The following GLYR1 variants were observed in gnomAD, a reference collection of about 807,000 sequenced individuals.
GLYR1 encodes cytokine-like nuclear factor N-PAC.
A neutral mutation model predicts 72.7 loss-of-function variants in GLYR1; 21 were observed. That is an observed-to-expected ratio of 0.29 (90% confidence interval 0.20 to 0.42). GLYR1 has a LOEUF of 0.42. Ranked by LOEUF, GLYR1 falls within the 10% of genes least tolerant of loss-of-function variation. GLYR1 has a pLI of 1.00. For missense variants in GLYR1, 594 were observed against 712.1 expected (o/e 0.83, Z 1.89); for synonymous variants, 392 against 270.2 (o/e 1.45, Z -4.42).
At position 4,821,426 on chromosome 16, in the gene GLYR1, C is replaced by G; in HGVS notation, c.760G>C (p.Ala254Pro). The G allele has an allele frequency of 1.2e-6, 2 of 1,613,770 alleles. No individual in the cohort carries two copies. The highest frequency in any genetic ancestry group is 8.5e-7 in the Non-Finnish European group (1 of 1,180,042). ...CTGCCATTCACGGCTGTGCTGTCAG[C>G]TGCCTGGATGGAGGTGGAGCCAGTT... ...EETGSTSIQAADSTAVNGSIT... is the reference protein window; with the variant it reads ...EETGSTSIQAPDSTAVNGSIT... The change falls in exon 9 of 16, where the codon GCT becomes CCT. Residue 254 changes from alanine (A) to proline (P), a missense_variant. This residue lies in a region of GLYR1 where 266 missense variants were observed against 358.4 expected (regional missense o/e 0.74). Coordinates refer to ENST00000321919, the MANE Select transcript of GLYR1 (RefSeq NM_032569.4).
At chr16:4,810,155 A>C (rs1161475322) in intron 15 of GLYR1, among the ~76,000 whole-genome samples, 1 of 152,218 alleles carries the variant, frequency 6.6e-6, no homozygotes, top group African/African-American at 2.4e-5. Context: ...TTATAAAGAA[A>C]GCAGGATTAA....
At chr16:4,847,207 G>T in intron 1 of GLYR1, 21 bp downstream of exon 1, 1 of 1,597,328 alleles carries the variant, frequency 6.3e-7, no homozygotes, top group Non-Finnish European at 8.5e-7. Context: ...CGTCTCGGTT[G>T]GCCCGGCCGC....
intron 3 of GLYR1, among the ~76,000 whole-genome samples, chr16:4,843,238 T>A (rs8055094): frequency 0.034 from 5,250 of 152,288 alleles, 296 homozygotes; most frequent in African/African-American, 0.12. Flanking sequence ...TCGAACAATC[T>A]CTGCCTCCTG....
chr16:4,815,882 C>T (rs1004327947), intron 10 of GLYR1, among the ~76,000 whole-genome samples: 2 of 151,826 alleles, frequency 1.3e-5, no homozygotes, highest in Non-Finnish European at 2.9e-5. Context: ...CCCAGGTTCA[C>T]GCCATTCTCC....
chr16:4,832,271 C>T (rs371874746), intron 4 of GLYR1, 50 bp from the exon 5 acceptor site: 1 of 1,599,920 alleles, frequency 6.3e-7, no homozygotes, highest in Non-Finnish European at 8.5e-7. Context: ...CTGCTGCCGC[C>T]ATCGCCACCA....
At chr16:4,835,560 G>A (rs956139068) in intron 3 of GLYR1, among the ~76,000 whole-genome samples, 39 of 152,180 alleles carry the variant, frequency 2.6e-4, no homozygotes, top group African/African-American at 9.2e-4. Context: ...GCTGGGCACG[G>A]TGGCTCACAC....
intron 9 of GLYR1, among the ~76,000 whole-genome samples, chr16:4,819,914 A>C (rs1460672265): frequency 6.6e-6 from 1 of 152,178 alleles, no homozygotes; most frequent in Non-Finnish European, 1.5e-5. Context: ...TGGGTAGTAC[A>C]ATATTCCCCC....
intron 5 of GLYR1, among the ~76,000 whole-genome samples, chr16:4,824,939 T>C (rs1256945012): frequency 6.6e-6 from 1 of 152,124 alleles, no homozygotes; most frequent in Admixed American, 6.6e-5. Flanking sequence ...TAGGCCGATA[T>C]CTTTAGAGCC....
intron 3 of GLYR1, among the ~76,000 whole-genome samples, chr16:4,842,477 A>C (rs956859240): frequency 6.6e-6 from 1 of 151,824 alleles, no homozygotes; most frequent in East Asian, 1.9e-4. Context: ...AGCCTTCTGC[A>C]TACCTGGGAC....
chr16:4,832,491 G>C (rs2084864011), intron 4 of GLYR1: 5 of 568,630 alleles, frequency 8.8e-6, no homozygotes, highest in Non-Finnish European at 1.2e-5. Context: ...CTCCTAATCT[G>C]TGTGCTATGA....
At chr16:4,828,575 G>C (rs2084582670) in intron 5 of GLYR1, among the ~76,000 whole-genome samples, 1 of 152,028 alleles carries the variant, frequency 6.6e-6, no homozygotes, top group Non-Finnish European at 1.5e-5. Flanking sequence ...TTTATTGGGA[G>C]CTCGTGAGAC....
At chr16:4,845,399 G>T (rs1249113648) in intron 2 of GLYR1, among the ~76,000 whole-genome samples, 3 of 152,110 alleles carry the variant, frequency 2.0e-5, no homozygotes, top group African/African-American at 7.2e-5. Context: ...TTAACATGTA[G>T]CACAGTGCTC....
intron 15 of GLYR1, among the ~76,000 whole-genome samples, chr16:4,809,309 C>G (rs970358508): frequency 6.6e-6 from 1 of 150,944 alleles, no homozygotes; most frequent in Admixed American, 6.6e-5. Context: ...TCTGCCTCAG[C>G]CTCCTGAGTA....
chr16:4,829,810 T>C (rs1005059960), intron 5 of GLYR1, among the ~76,000 whole-genome samples: 4 of 152,110 alleles, frequency 2.6e-5, no homozygotes, highest in African/African-American at 9.7e-5. Flanking sequence ...GTAGTTGGAA[T>C]TACAGGAGCG....
rs751687606 is a variant in GLYR1 at position 4,814,547 on chromosome 16, G to A, written c.1007C>T (p.Ala336Val). ...GGAGGGGGTCCTTACGTCCTTGGCCGCCTTGGGATCCGACACGCAGGCGAA... is the reference window on the plus strand; with the variant it reads ...GGAGGGGGTCCTTACGTCCTTGGCCACCTTGGGATCCGACACGCAGGCGAA... Reference protein sequence around the residue: ...ITFACVSDPKAAKDLVLGPSG... With the variant: ...ITFACVSDPKVAKDLVLGPSG... Residue 336 changes from alanine (A) to valine (V), a missense_variant, in exon 11 of 16, where the codon GCG becomes GTG. By Grantham distance (64) the Ala-to-Val change is moderately conservative (BLOSUM62 0). Around this residue, in one of 5 missense-constraint regions of GLYR1, gnomAD observed 266 missense variants for 358.4 expected, o/e 0.74. Coordinates refer to ENST00000321919, the MANE Select transcript of GLYR1 (RefSeq NM_032569.4). 21 of 1,613,240 alleles carry A rather than the reference G, an allele frequency of 1.3e-5. No homozygotes were observed. Among genetic ancestry groups the A allele is most frequent in the Non-Finnish European group, 1.7e-5 (20 of 1,179,884 alleles).
intron 5 of GLYR1, among the ~76,000 whole-genome samples, chr16:4,824,272 T>C (rs897611303): frequency 3.3e-5 from 5 of 151,972 alleles, no homozygotes; most frequent in Admixed American, 6.6e-5. Flanking sequence ...CCCAGCACTT[T>C]GGGAGGCCGA....
At chr16:4,822,954 T>G (rs1315936865) in intron 6 of GLYR1, 23 bp from the exon 7 acceptor site, 4 of 1,607,976 alleles carry the variant, frequency 2.5e-6, no homozygotes, top group Non-Finnish European at 2.6e-6. Context: ...AACAGTGAAA[T>G]AAAACCAGTT....
intron 12 of GLYR1, among the ~76,000 whole-genome samples, chr16:4,813,400 CCAGATGCT>C (rs2083439680): frequency 6.6e-6 from 1 of 152,164 alleles, no homozygotes; most frequent in South Asian, 2.1e-4. Flanking sequence ...CTTATTTGGG[CCAGATGCT>C]CGGGGAGGAG....
intron 3 of GLYR1, chr16:4,843,752 T>C (rs1180881321): frequency 1.5e-6 from 1 of 680,572 alleles, no homozygotes; most frequent in African/African-American, 1.9e-5. Flanking sequence ...TTTTCAAATC[T>C]AAGGCTGTAT....
Sources: gnomAD v4.1 joint callset for allele counts (sites outside exome capture counted in the v4.1 genomes callset) on GRCh38, gnomAD v4.1.1 for gene constraint, gnomAD v4.1.1 regional missense constraint, MANE v1.5 for transcripts, NCBI Gene and HGNC (gene_info 2026-07-23, HGNC 2026-07-21) for gene names.